CCSER1: variants seen among roughly 807,000 people sequenced by gnomAD.
The protein encoded by CCSER1 is serine-rich coiled-coil domain-containing protein 1.
A neutral mutation model predicts 82.0 loss-of-function variants in CCSER1; 41 were observed. The ratio of observed to expected loss-of-function variants is 0.50; its 90% CI spans 0.39 to 0.65. CCSER1 has a LOEUF of 0.65. Among genes scored for constraint, CCSER1 ranks in the 30% least tolerant of loss-of-function variants. The pLI is 0.00. For missense variants in CCSER1, 1,119 were observed against 1,064.2 expected, an observed-to-expected ratio of 1.05 and a Z score of -0.72; for synonymous variants, 414 against 383.9, an observed-to-expected ratio of 1.08 and a Z score of -0.92.
At chr4:90,809,118 G>A (rs1397923028) in intron 7 of CCSER1, among the ~76,000 whole-genome samples, 2 of 151,402 alleles carry the variant, frequency 1.3e-5, no homozygotes, top group African/African-American at 4.9e-5. Context: ...AGGAATTTAA[G>A]AACAGTCTGA....
intron 10 of CCSER1, among the ~76,000 whole-genome samples, chr4:91,387,643 G>A (rs1257043586): frequency 6.6e-6 from 1 of 151,992 alleles, no homozygotes; most frequent in Non-Finnish European, 1.5e-5. Context: ...GGGGCTACTA[G>A]GGCCTCTGTA....
intron 5 of CCSER1, among the ~76,000 whole-genome samples, chr4:90,590,474 G>C (rs1782555409): frequency 6.6e-6 from 1 of 151,906 alleles, no homozygotes; most frequent in Non-Finnish European, 1.5e-5. Context: ...CAGCTACTCG[G>C]GAGGCTGAAG....
chr4:91,212,606 C>G (rs1163915301), intron 10 of CCSER1, among the ~76,000 whole-genome samples: 5 of 152,030 alleles, frequency 3.3e-5, no homozygotes, highest in Non-Finnish European at 7.4e-5. Flanking sequence ...CATTCCAGTT[C>G]TAACTTCTAA....
chr4:90,698,589 G>C (rs7697006), intron 6 of CCSER1, among the ~76,000 whole-genome samples: 1 of 151,938 alleles, frequency 6.6e-6, no homozygotes, highest in African/African-American at 2.4e-5. Flanking sequence ...CAATTTCTAT[G>C]ATATAAATGA....
At chr4:91,313,866 T>A (rs1560583806) in intron 10 of CCSER1, among the ~76,000 whole-genome samples, 1 of 152,002 alleles carries the variant, frequency 6.6e-6, no homozygotes, top group Non-Finnish European at 1.5e-5. Flanking sequence ...GGGAAATAAC[T>A]TCCTAGACAC....
intron 9 of CCSER1, among the ~76,000 whole-genome samples, chr4:90,923,934 G>A (rs1292884069): frequency 6.6e-6 from 1 of 152,106 alleles, no homozygotes; most frequent in Non-Finnish European, 1.5e-5. Flanking sequence ...TTAATTGAAA[G>A]TATTTTTCTG....
intron 5 of CCSER1, among the ~76,000 whole-genome samples, chr4:90,470,585 CA>C (rs1469392537): frequency 6.6e-6 from 1 of 151,992 alleles, no homozygotes; most frequent in African/African-American, 2.4e-5. Flanking sequence ...ATGATATCAT[CA>C]AGGGTCATTC....
At chr4:90,404,163 G>A (rs1359358596) in intron 4 of CCSER1, 2 of 152,234 alleles carry the variant, frequency 1.3e-5, no homozygotes, top group African/African-American at 4.8e-5. Flanking sequence ...TGGGCTGCAT[G>A]GGAGTGGGGT....
At chr4:90,234,550 A>G (rs1001704962) in intron 1 of CCSER1, among the ~76,000 whole-genome samples, 1 of 152,126 alleles carries the variant, frequency 6.6e-6, no homozygotes, top group African/African-American at 2.4e-5. Context: ...ATGCTTCTGG[A>G]GTCCATTGAT....
chr4:91,577,518 C>G (rs904992544), intron 10 of CCSER1, among the ~76,000 whole-genome samples: 1 of 151,824 alleles, frequency 6.6e-6, no homozygotes, highest in Non-Finnish European at 1.5e-5. Context: ...TTTTTATCAC[C>G]AGGAGGAAGC....
intron 3 of CCSER1, among the ~76,000 whole-genome samples, chr4:90,331,392 A>C (rs1044597636): frequency 1.3e-5 from 2 of 152,142 alleles, no homozygotes; most frequent in African/African-American, 4.8e-5. Context: ...ATTAGGTACT[A>C]TTTTAGGGCA....
intron 1 of CCSER1, among the ~76,000 whole-genome samples, chr4:90,266,044 A>T (rs2153451055): frequency 6.6e-6 from 1 of 152,276 alleles, no homozygotes; most frequent in African/African-American, 2.4e-5. Flanking sequence ...GATTTAAATT[A>T]TTTCACTTAC....
chr4:90,554,269 T>C (rs1777862521), intron 5 of CCSER1, among the ~76,000 whole-genome samples: 1 of 151,976 alleles, frequency 6.6e-6, no homozygotes, highest in African/African-American at 2.4e-5. Context: ...ACAGCTGAGG[T>C]GGGAAGATGG....
At chr4:90,791,514 G>A (rs1017164575) in intron 7 of CCSER1, among the ~76,000 whole-genome samples, 1 of 151,996 alleles carries the variant, frequency 6.6e-6, no homozygotes, top group Admixed American at 6.6e-5. Context: ...CTCTTTGAAG[G>A]TTCAGATGAT....
chr4:90,385,262 G>A (rs1054643735), intron 3 of CCSER1, among the ~76,000 whole-genome samples: 1 of 151,472 alleles, frequency 6.6e-6, no homozygotes, highest in Non-Finnish European at 1.5e-5. Context: ...GGGATTGCTG[G>A]ATGGGATGGT....
At chr4:90,905,916 A>G (rs936668013) in intron 8 of CCSER1, among the ~76,000 whole-genome samples, 4 of 152,196 alleles carry the variant, frequency 2.6e-5, no homozygotes, top group Admixed American at 6.6e-5. Flanking sequence ...TACAATGTAT[A>G]TTTAAATATA....
chr4:91,304,802 T>C (rs966532985), intron 10 of CCSER1, among the ~76,000 whole-genome samples: 1 of 152,080 alleles, frequency 6.6e-6, no homozygotes, highest in Non-Finnish European at 1.5e-5. Context: ...TTTATAAAAC[T>C]ACGTATGCCT....
At chr4:91,030,454 G>A (rs1253933665) in intron 9 of CCSER1, among the ~76,000 whole-genome samples, 1 of 152,052 alleles carries the variant, frequency 6.6e-6, no homozygotes, top group Non-Finnish European at 1.5e-5. Context: ...ACTACCTGTG[G>A]CTATTGGACA....
intron 7 of CCSER1, among the ~76,000 whole-genome samples, chr4:90,749,287 A>G (rs888555957): frequency 6.6e-6 from 1 of 151,904 alleles, no homozygotes; most frequent in African/African-American, 2.4e-5. Flanking sequence ...CCATTTATTA[A>G]ATAGGAAATC....
Sources: allele counts gnomAD v4.1 joint callset (sites outside exome capture counted in the v4.1 genomes callset), GRCh38; gene constraint gnomAD v4.1.1; transcripts MANE v1.5; gene names NCBI Gene and HGNC (gene_info 2026-07-23, HGNC 2026-07-21).